Variants in SIK2 observed in about 807,000 individuals in gnomAD.
The protein encoded by SIK2 is salt inducible kinase 2, also known as serine/threonine-protein kinase SIK2.
SIK2 carries 29 observed loss-of-function variants against 103.2 expected under a neutral mutation model. That is an observed-to-expected ratio of 0.28 (90% CI 0.21 to 0.38). The LOEUF is 0.38. SIK2 is among the 10% of genes least tolerant of loss of function. SIK2 has a pLI of 1.00. For synonymous variants in SIK2, 412 were observed against 446.1 expected (o/e 0.92, Z 0.96); for missense variants, 879 against 1,171.0 (o/e 0.75, Z 3.64).
chr11:111,623,758 C>A (rs1030412617), intron 3 of SIK2, among the ~76,000 whole-genome samples: 1 of 152,202 alleles, frequency 6.6e-6, no homozygotes, highest in Non-Finnish European at 1.5e-5. Context: ...GGTTTTCCCT[C>A]ACACGTGAGC....
intron 4 of SIK2, among the ~76,000 whole-genome samples, chr11:111,694,032 T>A (rs1023549692): frequency 6.6e-6 from 1 of 152,126 alleles, no homozygotes; most frequent in Non-Finnish European, 1.5e-5. Context: ...ATTACTTGAG[T>A]TGATATTTGT....
At chr11:111,645,767 A>T (rs1942246927) in intron 3 of SIK2, among the ~76,000 whole-genome samples, 1 of 151,898 alleles carries the variant, frequency 6.6e-6, no homozygotes. Context: ...ATGAGCCGAG[A>T]TGATGCCATT....
intron 3 of SIK2, among the ~76,000 whole-genome samples, chr11:111,621,889 G>A (rs1357758592): frequency 6.6e-6 from 1 of 151,768 alleles, no homozygotes; most frequent in Non-Finnish European, 1.5e-5. Context: ...CTTTAGCCTG[G>A]GCAACAGAGT....
intron 3 of SIK2, among the ~76,000 whole-genome samples, chr11:111,666,029 C>G (rs113325106): frequency 6.6e-6 from 1 of 152,166 alleles, no homozygotes; most frequent in South Asian, 2.1e-4. Context: ...ACTGCACTAG[C>G]ATGAAATGGA....
At chr11:111,711,002 C>T (rs545989914) in intron 8 of SIK2, among the ~76,000 whole-genome samples, 1 of 152,274 alleles carries the variant, frequency 6.6e-6, no homozygotes, top group Non-Finnish European at 1.5e-5. Context: ...GTATTCAAAA[C>T]ACATCTAATA....
At position 111,726,957 on chromosome 11, in the gene SIK2, C is replaced by G; in HGVS notation, c.*2828C>G. 3 of 1,612,016 alleles carry G rather than the reference C, an allele frequency of 1.9e-6. No homozygotes were observed. The highest frequency in any genetic ancestry group is 1.3e-5 in the African/African-American group (1 of 74,926). On this transcript the variant is annotated 3_prime_UTR_variant, in exon 15 of 15. Transcript: ENST00000304987. The stretch of plus-strand genomic sequence containing the variant: ...TATTTTTTATGTTCTTTTTTTAAAT[C>G]TGGGGTATTAGTCTGTGCTTTGGGA...
At chr11:111,693,251 T>A (rs1179116709) in intron 4 of SIK2, among the ~76,000 whole-genome samples, 3 of 152,006 alleles carry the variant, frequency 2.0e-5, no homozygotes, top group Non-Finnish European at 2.9e-5. Context: ...AGAGAATCGC[T>A]TGAACCAGGG....
intron 3 of SIK2, among the ~76,000 whole-genome samples, chr11:111,665,682 G>A (rs778931233): frequency 2.0e-5 from 3 of 151,694 alleles, no homozygotes; most frequent in Non-Finnish European, 4.4e-5. Flanking sequence ...AAAAATTAGC[G>A]GGATGTGGTG....
In SIK2 at chr11:111,701,911, T is replaced by C. The variant is rs1943220541; in HGVS notation, c.727+336T>C. Among the ~76,000 whole-genome samples the C allele has an allele frequency of 6.6e-6, 1 of 152,218 alleles. No individual in the cohort carries two copies. The highest frequency in any genetic ancestry group is 2.1e-4 in the South Asian group (1 of 4,830). On this transcript the variant is annotated intron_variant, in intron 6 of 14. Transcript: ENST00000304987. The surrounding 1 kb of genome is among the most constrained non-coding windows in gnomAD (Gnocchi z 4.2). Reference sequence around the variant, plus strand: ...TTTTACTCCAATATGAAATGAACTTTATAAAATTAAAATTTTTTTAATTAA... The same window carrying C: ...TTTTACTCCAATATGAAATGAACTTCATAAAATTAAAATTTTTTTAATTAA...
At chr11:111,604,568 T>C (rs1941623982) in intron 1 of SIK2, among the ~76,000 whole-genome samples, 2 of 152,208 alleles carry the variant, frequency 1.3e-5, no homozygotes, top group Non-Finnish European at 2.9e-5. Context: ...TAAACTAATA[T>C]ATCTTAAAGA....
chr11:111,659,283 A>G (rs1474006592), intron 3 of SIK2, among the ~76,000 whole-genome samples: 2 of 152,024 alleles, frequency 1.3e-5, no homozygotes, highest in African/African-American at 4.8e-5. Flanking sequence ...TTTAATTTGC[A>G]ATATTAGTCT....
chr11:111,622,076 A>C (rs905540802), intron 3 of SIK2, among the ~76,000 whole-genome samples: 2 of 151,952 alleles, frequency 1.3e-5, no homozygotes, highest in African/African-American at 4.8e-5. Flanking sequence ...TTTTTTGAAA[A>C]TTATCTATCA....
chr11:111,602,473 A>G lies in SIK2; in HGVS notation c.-91A>G. On this transcript the variant is annotated 5_prime_UTR_variant, in exon 1 of 15. Coordinates refer to ENST00000304987, the MANE Select transcript of SIK2 (RefSeq NM_015191.3). This position sits in a 1 kb window ranked among gnomAD's most constrained non-coding sequence, Gnocchi z 4.5. ...GAAGGAGCGAAGGAGCGAAGGAGCA[A>G]GCGGAGCGGCCGTCGCCCAAGCCAA... 4 of 1,329,770 alleles carry G rather than the reference A, an allele frequency of 3.0e-6. No individual in the cohort carries two copies. Among genetic ancestry groups the G allele is most frequent in the African/African-American group, 1.5e-5 (1 of 65,038 alleles). 82.4% of individuals were successfully genotyped at this position (1,329,770 alleles called of 1,614,324 possible). A position where few individuals can be genotyped will look rare whatever the true frequency, so the allele number is the denominator to read the frequency against.
intron 3 of SIK2, among the ~76,000 whole-genome samples, chr11:111,626,723 G>A (rs1050472872): frequency 6.3e-5 from 8 of 126,766 alleles, no homozygotes; most frequent in Non-Finnish European, 1.0e-4. Context: ...AAAAAAAAAA[G>A]TAATTTTGAA....
In SIK2 at chr11:111,679,572, A is replaced by T. The variant is rs1942750808; in HGVS notation, c.317-8429A>T. 3.9e-5 allele frequency among the ~76,000 whole-genome samples: 6 copies of T among 152,224 alleles called. No individual in the cohort carries two copies. The South Asian group carries it at 1.0e-3, about 26-fold the overall frequency. On this transcript the variant is annotated intron_variant, in intron 3 of 14. Coordinates refer to ENST00000304987, the MANE Select transcript of SIK2 (RefSeq NM_015191.3). Reference sequence around the variant, plus strand: ...TTCATAAATATATCTCAAGGTTAAAAGTTTAATATTATAAATAGTATTATA... The same window carrying T: ...TTCATAAATATATCTCAAGGTTAAATGTTTAATATTATAAATAGTATTATA...
Position 111,722,664 on chromosome 11 carries a change from G to A in SIK2, c.2056-1G>A, listed in dbSNP as rs1943837757. On this transcript the variant is annotated splice_acceptor_variant, in intron 13 of 14. Transcript: ENST00000304987. LOFTEE classifies it high-confidence loss of function. The surrounding 1 kb of genome is among the most constrained non-coding windows in gnomAD (Gnocchi z 4.4). ...CTCATGTTGTTTTTCTGCTCTTCCA[G>A]AAGCCCAGCCTTCTGTCAAAGGCCC... 1 of 1,613,384 alleles carries A rather than the reference G, an allele frequency of 6.2e-7. No individual in the cohort carries two copies. Among genetic ancestry groups the A allele is most frequent in the Non-Finnish European group, 8.5e-7 (1 of 1,179,812 alleles).
chr11:111,692,534 T>A (rs1482291952), intron 4 of SIK2, among the ~76,000 whole-genome samples: 1 of 151,946 alleles, frequency 6.6e-6, no homozygotes, highest in Non-Finnish European at 1.5e-5. Context: ...GTGAGAATGA[T>A]AGGAAAAAAG....
At chr11:111,625,613 A>AATGATGC (rs1447941985) in intron 3 of SIK2, among the ~76,000 whole-genome samples, 2 of 152,200 alleles carry the variant, frequency 1.3e-5, no homozygotes, top group African/African-American at 2.4e-5. Context: ...ATCTGTGACA[A>AATGATGC]ATGATGCCGA....
At chr11:111,612,987 C>T (rs921461023) in intron 1 of SIK2, among the ~76,000 whole-genome samples, 3 of 145,644 alleles carry the variant, frequency 2.1e-5, no homozygotes, top group African/African-American at 7.9e-5. Flanking sequence ...GTCTGTGACC[C>T]AAGATAAAAT....
Sources: allele counts gnomAD v4.1 joint callset (sites outside exome capture counted in the v4.1 genomes callset), GRCh38; gene constraint gnomAD v4.1.1; non-coding constraint Gnocchi (gnomAD v3.1); transcripts MANE v1.5; gene names NCBI Gene and HGNC (gene_info 2026-07-23, HGNC 2026-07-21).